Variants in TFAP2E observed in about 807,000 individuals in gnomAD.
TFAP2E encodes the protein transcription factor AP-2 epsilon.
TFAP2E carries 30 observed loss-of-function variants against 37.9 expected under a neutral mutation model. The ratio of observed to expected loss-of-function variants is 0.79; its 90% CI spans 0.59 to 1.07. TFAP2E has a LOEUF of 1.07. Among genes scored for constraint, TFAP2E ranks in the 50% least tolerant of loss-of-function variants. The probability of loss-of-function intolerance (pLI) is 0.00; values close to 1 mark genes in which losing one functional copy is unlikely to be tolerated. For synonymous variants in TFAP2E, 318 were observed against 295.8 expected, an observed-to-expected ratio of 1.08 and a Z score of -0.77; for missense variants, 567 against 637.9, an observed-to-expected ratio of 0.89 and a Z score of 1.20.
chr1:35,579,206 G>A (rs1419220232), intron 3 of TFAP2E, among the ~76,000 whole-genome samples: 1 of 150,900 alleles, frequency 6.6e-6, no homozygotes, highest in African/African-American at 2.4e-5. Context: ...GACCAGCCTG[G>A]CCAATATGGT....
downstream of TFAP2E, chr1:35,595,472 G>C (rs542555842): frequency 6.6e-6 from 1 of 152,266 alleles, no homozygotes. Flanking sequence ...GGGAAGAAAG[G>C]TGTGTCAGGC....
At position 35,573,591 on chromosome 1, in the gene TFAP2E, C is replaced by A. The variant is rs1649072523; in HGVS notation, c.14C>A (p.Thr5Asn). Residue 5 changes from threonine to asparagine, a missense_variant, in exon 1 of 7, where the codon ACC (threonine) becomes AAC (asparagine). Transcript: ENST00000373235. The surrounding 1 kb of genome is among the most constrained non-coding windows in gnomAD (Gnocchi z 5.9). MLVH[T>N]YSAMERPDGL... ...ACTCACCGCCCCATGCTGGTGCACA[C>A]CTACTCCGCCATGGTGAGTAGTCTC... The A allele has an allele frequency of 3.2e-6, 5 of 1,539,502 alleles. No homozygotes were observed. The Admixed American group carries it at 8.0e-5, about 24-fold the overall frequency.
chr1:35,579,271 C>T (rs1267611051), intron 3 of TFAP2E, among the ~76,000 whole-genome samples: 1 of 151,086 alleles, frequency 6.6e-6, no homozygotes, highest in Non-Finnish European at 1.5e-5. Flanking sequence ...TGGCAGGCAC[C>T]TGTAATCCCA....
rs1239475836 is a variant in TFAP2E, at chr1:35,594,835, AGG to A, written c.*161_*162del. 5 of 1,118,404 alleles carry A rather than the reference AGG, an allele frequency of 4.5e-6. No homozygotes were observed. Among genetic ancestry groups the A allele is most frequent in the Non-Finnish European group, 5.0e-6 (4 of 797,672 alleles). 69.3% of individuals were successfully genotyped at this position (1,118,404 alleles called of 1,614,324 possible). A position where few individuals can be genotyped will look rare whatever the true frequency, so the allele number is the denominator to read the frequency against. Reference sequence around the variant, plus strand: ...AGAGTTGGGGATCTGGCTTGGAGTAAGGGAGGGTGGCCTCTCTGTGGTGGTGT... The same window carrying A: ...AGAGTTGGGGATCTGGCTTGGAGTAAGAGGGTGGCCTCTCTGTGGTGGTGT... On this transcript the variant is annotated 3_prime_UTR_variant, in exon 7 of 7. Coordinates refer to ENST00000373235, the MANE Select transcript of TFAP2E (RefSeq NM_178548.4).
At chr1:35,587,645 AAAAAAAAAAAAG>A (rs1249587395) in intron 3 of TFAP2E, among the ~76,000 whole-genome samples, 2 of 150,578 alleles carry the variant, frequency 1.3e-5, no homozygotes, top group East Asian at 3.9e-4. Flanking sequence ...TCAAAAAAAA[AAAAAAAAAAAAG>A]AAAGAAAGAA....
chr1:35,588,983 C>G lies in TFAP2E; in HGVS notation c.785+431C>G, dbSNP rs546627252. Among the ~76,000 whole-genome samples, 229 of 152,070 alleles carry G rather than the reference C, an allele frequency of 1.5e-3. 2 individuals carry two copies. Among genetic ancestry groups the G allele is most frequent in the Non-Finnish European group, 2.0e-3 (136 of 67,968 alleles). On this transcript the variant is annotated intron_variant, in intron 4 of 6. Transcript: ENST00000373235. This position sits in a 1 kb window ranked among gnomAD's most constrained non-coding sequence, Gnocchi z 5.1. ...ATGGTTCATCTTCCTAGACCTGTGT[C>G]TCTCTCTCTCTGTGCATGTCTTTGT...
At chr1:35,579,442 C>T (rs577846586) in intron 3 of TFAP2E, among the ~76,000 whole-genome samples, 22 of 152,126 alleles carry the variant, frequency 1.4e-4, no homozygotes, top group Middle Eastern at 3.4e-3. Flanking sequence ...TTTACTCTCT[C>T]GCCCAGGTTG....
chr1:35,575,154 G>T (rs1485916254), intron 3 of TFAP2E, among the ~76,000 whole-genome samples, 154 bp downstream of exon 3: 1 of 152,212 alleles, frequency 6.6e-6, no homozygotes, highest in Admixed American at 6.5e-5. Flanking sequence ...AGGCAGACGT[G>T]CGGGCTTGGT....
At chr1:35,579,079 CAAAAAAAAAAAA>C (rs578084271) in intron 3 of TFAP2E, among the ~76,000 whole-genome samples, 88 of 16,860 alleles carry the variant, frequency 5.2e-3, no homozygotes, top group African/African-American at 9.9e-3. Flanking sequence ...GAGACTATCT[CAAAAAAAAAAAA>C]AAAAAAAAAA....
intron 6 of TFAP2E, among the ~76,000 whole-genome samples, chr1:35,592,261 C>T (rs538190619): frequency 9.2e-4 from 137 of 148,118 alleles, no homozygotes; most frequent in Non-Finnish European, 1.2e-3. Flanking sequence ...CTCTAGCCTG[C>T]GTGACATAGT....
chr1:35,578,858 G>A (rs931012342), intron 3 of TFAP2E, among the ~76,000 whole-genome samples: 2 of 151,684 alleles, frequency 1.3e-5, no homozygotes, highest in Admixed American at 6.6e-5. Flanking sequence ...TTGGGAGGCC[G>A]GATCACTTGA....
At chr1:35,576,975 C>T (rs1272622842) in intron 3 of TFAP2E, among the ~76,000 whole-genome samples, 24 of 125,722 alleles carry the variant, frequency 1.9e-4, no homozygotes, top group African/African-American at 6.3e-4. Flanking sequence ...GGGACCCCAG[C>T]GCCAGCGGGA....
At chr1:35,591,482 C>T (rs1649678040) in intron 6 of TFAP2E, among the ~76,000 whole-genome samples, 1 of 152,258 alleles carries the variant, frequency 6.6e-6, no homozygotes, top group East Asian at 1.9e-4. Flanking sequence ...CCCTCACTAC[C>T]GTTCACATGC....
intron 4 of TFAP2E, among the ~76,000 whole-genome samples, chr1:35,589,476 G>T (rs937316102): frequency 5.3e-5 from 8 of 150,886 alleles, no homozygotes; most frequent in Admixed American, 2.0e-4. Flanking sequence ...TTGGTTCTAT[G>T]TGTCTCTATT....
At position 35,588,820 on chromosome 1, in the gene TFAP2E, G is replaced by C. The variant is rs12070950; in HGVS notation, c.785+268G>C. Among the ~76,000 whole-genome samples, 17,703 of 152,100 alleles carry C rather than the reference G, an allele frequency of 0.12. 2,571 individuals carry two copies. Among genetic ancestry groups the C allele is most frequent in the East Asian group, 0.68 (3,487 of 5,132 alleles). ...AGGGATGGAGAACTCATCCACACTG[G>C]TCAGGACGAGACTGGGTCTGGGGAA... On this transcript the variant is annotated intron_variant, in intron 4 of 6. Transcript: ENST00000373235. This position sits in a 1 kb window ranked among gnomAD's most constrained non-coding sequence, Gnocchi z 5.1.
At position 35,577,232 on chromosome 1, in the gene TFAP2E, G is replaced by A; in HGVS notation, c.562+2232G>A. 2.5e-6 allele frequency: 1 copy of A among 393,034 alleles called. No homozygotes were observed. The highest frequency in any genetic ancestry group is 5.1e-6 in the Non-Finnish European group (1 of 194,466). The allele number at this position is 393,034 out of a possible 1,614,324, so 24.3% of individuals were successfully genotyped here. A position where few individuals can be genotyped will look rare whatever the true frequency, so the allele number is the denominator to read the frequency against. On this transcript the variant is annotated intron_variant, in intron 3 of 6. Coordinates refer to ENST00000373235, the MANE Select transcript of TFAP2E (RefSeq NM_178548.4). This position sits in a 1 kb window ranked among gnomAD's most constrained non-coding sequence, Gnocchi z 6.3. ...GGGGAAAGCGTGGGCGGTCGACCCA[G>A]GGCAGCTGCGGCGGCGAGGCAGGTG...
intron 3 of TFAP2E, among the ~76,000 whole-genome samples, chr1:35,576,552 G>A (rs926527757): frequency 1.3e-5 from 2 of 152,124 alleles, no homozygotes; most frequent in Non-Finnish European, 2.9e-5. Flanking sequence ...TCAAGAGACT[G>A]GGAGTCTAGG....
Position 35,573,622 on chromosome 1 carries a change from C to T in TFAP2E, c.27+18C>T, listed in dbSNP as rs369679771. 3.2e-6 allele frequency: 5 copies of T among 1,538,958 alleles called. No individual in the cohort carries two copies. Among genetic ancestry groups the T allele is most frequent in the Non-Finnish European group, 4.4e-6 (5 of 1,142,828 alleles). On this transcript the variant is annotated intron_variant, in intron 1 of 6. Coordinates refer to ENST00000373235, the MANE Select transcript of TFAP2E (RefSeq NM_178548.4). The surrounding 1 kb of genome is among the most constrained non-coding windows in gnomAD (Gnocchi z 5.9). ...CCGCCATGGTGAGTAGTCTCGGGCC[C>T]GGGACATATTCGGCCGGGGGATCGG...
chr1:35,586,743 G>C (rs1206243804), intron 3 of TFAP2E, among the ~76,000 whole-genome samples: 1 of 152,106 alleles, frequency 6.6e-6, no homozygotes, highest in African/African-American at 2.4e-5. Context: ...AGAGGTTTCT[G>C]GCTGGGCTGC....
Sources: gnomAD v4.1 joint callset for allele counts (sites outside exome capture counted in the v4.1 genomes callset) on GRCh38, gnomAD v4.1.1 for gene constraint, Gnocchi (gnomAD v3.1) non-coding constraint, MANE v1.5 for transcripts, NCBI Gene and HGNC (gene_info 2026-07-23, HGNC 2026-07-21) for gene names.